Variants in GRIK1 observed in about 807,000 individuals in gnomAD.
GRIK1 encodes the protein glutamate ionotropic receptor kainate type subunit 1.
Under a neutral mutation model 105.7 loss-of-function variants are expected in GRIK1, and 69 were observed. The ratio of observed to expected loss-of-function variants is 0.65; its 90% CI spans 0.54 to 0.80. The LOEUF (loss-of-function observed/expected upper bound fraction) is 0.80, where lower values mean the gene tolerates loss of function less well. Ranked by LOEUF, GRIK1 falls within the 30% of genes least tolerant of loss-of-function variation. The pLI, the probability that GRIK1 is intolerant of heterozygous loss-of-function variation, is 0.00. For missense variants in GRIK1, 1,109 were observed against 1,167.3 expected (o/e 0.95, Z 0.73); for synonymous variants, 438 against 431.3 (o/e 1.02, Z -0.19).
At chr21:29,703,385 T>C (rs1016586085) in intron 1 of GRIK1, among the ~76,000 whole-genome samples, 1 of 152,230 alleles carries the variant, frequency 6.6e-6, no homozygotes, top group African/African-American at 2.4e-5. Flanking sequence ...GAAAACAAGA[T>C]GGCAATTTGA....
chr21:29,817,233 A>G (rs1027192048), intron 1 of GRIK1, among the ~76,000 whole-genome samples: 1 of 152,126 alleles, frequency 6.6e-6, no homozygotes, highest in African/African-American at 2.4e-5. Context: ...CTGTATTATA[A>G]GATGTTGCAT....
chr21:29,782,800 T>C (rs2066159032), intron 1 of GRIK1, among the ~76,000 whole-genome samples: 1 of 152,240 alleles, frequency 6.6e-6, no homozygotes, highest in African/African-American at 2.4e-5. Context: ...AATTTCCTTT[T>C]ACTTTGCTTC....
chr21:29,837,230 A>G (rs770872393), intron 1 of GRIK1, among the ~76,000 whole-genome samples: 6 of 152,222 alleles, frequency 3.9e-5, no homozygotes, highest in Non-Finnish European at 8.8e-5. Context: ...GTTAGAGTTC[A>G]GGAACTTCAT....
chr21:29,651,792 C>A (rs1006321708), intron 5 of GRIK1, among the ~76,000 whole-genome samples: 2 of 151,574 alleles, frequency 1.3e-5, no homozygotes, highest in South Asian at 2.1e-4. Context: ...GGGTTTGGCA[C>A]CATACTAGAT....
chr21:29,693,736 A>G (rs2063631347), intron 2 of GRIK1, among the ~76,000 whole-genome samples, 160 bp downstream of exon 2: 1 of 152,152 alleles, frequency 6.6e-6, no homozygotes, highest in African/African-American at 2.4e-5. Context: ...CCATTAGGTT[A>G]GTTCAGATTA....
intron 1 of GRIK1, among the ~76,000 whole-genome samples, chr21:29,708,812 A>AT (rs997851762): frequency 5.3e-5 from 8 of 151,790 alleles, no homozygotes; most frequent in East Asian, 1.9e-4. Flanking sequence ...TTTAATTTTT[A>AT]TTTTTTTTGG....
At chr21:29,703,162 C>T (rs768769580) in intron 1 of GRIK1, among the ~76,000 whole-genome samples, 2 of 152,158 alleles carry the variant, frequency 1.3e-5, no homozygotes, top group African/African-American at 4.8e-5. Context: ...TTTTCCTATT[C>T]TGAATGTGAC....
intron 1 of GRIK1, among the ~76,000 whole-genome samples, chr21:29,925,538 A>T (rs2071338879): frequency 6.6e-6 from 1 of 152,232 alleles, no homozygotes; most frequent in South Asian, 2.1e-4. Context: ...CATAAATTAA[A>T]ACTTCATAGT....
chr21:29,828,492 C>T lies in GRIK1; in HGVS notation c.118+110891G>A, dbSNP rs114829344. On this transcript the variant is annotated intron_variant, in intron 1 of 17. Transcript: ENST00000327783. ...AAAGCACTTTATATTATGTATTTTCCTTAGTTCTTTTTATTATTTGTTTGT... is the reference window on the plus strand; with the variant it reads ...AAAGCACTTTATATTATGTATTTTCTTTAGTTCTTTTTATTATTTGTTTGT... Among the ~76,000 whole-genome samples the T allele has an allele frequency of 3.3e-3, 495 of 152,022 alleles. 1 individual carries two copies. Among genetic ancestry groups the T allele is most frequent in the African/African-American group, 0.011 (466 of 41,484 alleles).
At chr21:29,804,661 C>T (rs1388072605) in intron 1 of GRIK1, among the ~76,000 whole-genome samples, 4 of 152,122 alleles carry the variant, frequency 2.6e-5, no homozygotes, top group Non-Finnish European at 5.9e-5. Flanking sequence ...ATGACACATT[C>T]TATGTTATCA....
chr21:29,867,370 A>G (rs1213657960), intron 1 of GRIK1, among the ~76,000 whole-genome samples: 2 of 152,190 alleles, frequency 1.3e-5, no homozygotes, highest in East Asian at 1.9e-4. Context: ...GAGAAGATGA[A>G]GAGGACCAGG....
intron 15 of GRIK1, among the ~76,000 whole-genome samples, chr21:29,558,184 A>G (rs559462547): frequency 6.6e-6 from 1 of 152,210 alleles, no homozygotes; most frequent in African/African-American, 2.4e-5. Flanking sequence ...GACTCTGCCA[A>G]TCTTTGATTA....
intron 1 of GRIK1, among the ~76,000 whole-genome samples, chr21:29,740,382 T>A (rs1407923312): frequency 6.6e-6 from 1 of 152,150 alleles, no homozygotes; most frequent in Non-Finnish European, 1.5e-5. Flanking sequence ...CACACCCAAC[T>A]AATTTTTGTA....
intron 1 of GRIK1, among the ~76,000 whole-genome samples, chr21:29,862,671 C>A (rs976673100): frequency 6.6e-6 from 1 of 152,140 alleles, no homozygotes; most frequent in Non-Finnish European, 1.5e-5. Flanking sequence ...AACTTATGTT[C>A]TTTGGTTTAC....
intron 1 of GRIK1, among the ~76,000 whole-genome samples, chr21:29,889,115 G>A (rs1569192752): frequency 6.6e-6 from 1 of 151,998 alleles, no homozygotes; most frequent in Non-Finnish European, 1.5e-5. Context: ...AACAAAGTAG[G>A]TCAACTCTTT....
chr21:29,869,535 G>A (rs944760247), intron 1 of GRIK1, among the ~76,000 whole-genome samples: 2 of 152,200 alleles, frequency 1.3e-5, no homozygotes, highest in Non-Finnish European at 2.9e-5. Flanking sequence ...TCTTACTACC[G>A]GCATGATATT....
At chr21:29,853,379 T>C (rs1405662868) in intron 1 of GRIK1, among the ~76,000 whole-genome samples, 10 of 152,214 alleles carry the variant, frequency 6.6e-5, no homozygotes, top group Non-Finnish European at 1.5e-4. Flanking sequence ...TGACTTCTGA[T>C]GTGACTAAGA....
chr21:29,791,385 A>C (rs1009016292), intron 1 of GRIK1, among the ~76,000 whole-genome samples: 2 of 152,152 alleles, frequency 1.3e-5, no homozygotes, highest in African/African-American at 2.4e-5. Context: ...GTGCTTTATA[A>C]GAGTGGAGTC....
At chr21:29,848,792 T>C (rs866798621) in intron 1 of GRIK1, among the ~76,000 whole-genome samples, 2 of 144,722 alleles carry the variant, frequency 1.4e-5, no homozygotes, top group Admixed American at 6.9e-5. Flanking sequence ...TTTTTTTTTT[T>C]CCACGATCTT....
Sources: gnomAD v4.1 joint callset for allele counts (sites outside exome capture counted in the v4.1 genomes callset) on GRCh38, gnomAD v4.1.1 for gene constraint, MANE v1.5 for transcripts, NCBI Gene and HGNC (gene_info 2026-07-23, HGNC 2026-07-21) for gene names.